NRXN3: variants seen among roughly 807,000 people sequenced by gnomAD.
The protein encoded by NRXN3 is neurexin 3.
NRXN3 carries 32 observed loss-of-function variants against 137.6 expected under a neutral mutation model. The observed-to-expected ratio is 0.23, with a 90% CI of 0.18 to 0.31. The LOEUF is 0.31. Among genes scored for constraint, NRXN3 ranks in the 10% least tolerant of loss-of-function variants. The probability of loss-of-function intolerance (pLI) is 1.00; values close to 1 mark genes in which losing one functional copy is unlikely to be tolerated. For synonymous variants in NRXN3, 798 were observed against 784.5 expected, an observed-to-expected ratio of 1.02 and a Z score of -0.29; for missense variants, 1,574 against 2,062.5, an observed-to-expected ratio of 0.76 and a Z score of 4.59.
intron 10 of NRXN3, among the ~76,000 whole-genome samples, chr14:78,815,267 A>C (rs566155481): frequency 1.3e-5 from 2 of 152,292 alleles, no homozygotes; most frequent in African/African-American, 4.8e-5. Flanking sequence ...TAAGTGCCAC[A>C]ATAGAGTTAT....
chr14:78,564,238 G>A (rs1467744454), intron 4 of NRXN3, among the ~76,000 whole-genome samples: 2 of 152,180 alleles, frequency 1.3e-5, no homozygotes, highest in Non-Finnish European at 2.9e-5. Context: ...CTGACTTAAA[G>A]TGAACATCTT....
chr14:78,314,479 C>A (rs1206317300), intron 4 of NRXN3, among the ~76,000 whole-genome samples: 2 of 152,122 alleles, frequency 1.3e-5, no homozygotes, highest in African/African-American at 2.4e-5. Flanking sequence ...TTTTCTGGAG[C>A]CTTGTCCTTC....
chr14:79,108,909 G>A (rs2052961154), intron 15 of NRXN3, among the ~76,000 whole-genome samples: 1 of 152,126 alleles, frequency 6.6e-6, no homozygotes, highest in South Asian at 2.1e-4. Context: ...GATATCATTA[G>A]AGAAAACAAA....
intron 15 of NRXN3, among the ~76,000 whole-genome samples, chr14:79,084,235 G>A (rs995211180): frequency 6.6e-6 from 1 of 152,034 alleles, no homozygotes; most frequent in African/African-American, 2.4e-5. Context: ...GTTTTGAGGA[G>A]TGATGGAAAT....
chr14:78,717,977 C>T (rs574936647), intron 8 of NRXN3, among the ~76,000 whole-genome samples: 4 of 152,100 alleles, frequency 2.6e-5, no homozygotes, highest in African/African-American at 9.7e-5. Flanking sequence ...TTTTAGATTT[C>T]CTATTTCTAA....
At chr14:79,219,161 C>T (rs997425187) in intron 15 of NRXN3, among the ~76,000 whole-genome samples, 1 of 152,090 alleles carries the variant, frequency 6.6e-6, no homozygotes, top group African/African-American at 2.4e-5. Flanking sequence ...TCACTCTGTG[C>T]CCCACGCTGG....
intron 10 of NRXN3, among the ~76,000 whole-genome samples, chr14:78,860,514 G>A (rs1293906219): frequency 1.3e-5 from 2 of 152,090 alleles, no homozygotes; most frequent in African/African-American, 4.8e-5. Flanking sequence ...AATTTCAGGG[G>A]TTGGAATTTC....
chr14:79,268,479 A>G (rs146276776), intron 15 of NRXN3, among the ~76,000 whole-genome samples: 346 of 152,326 alleles, frequency 2.3e-3, no homozygotes, highest in African/African-American at 7.5e-3. Flanking sequence ...GCCACAGCAC[A>G]TTGGGCAACC....
At chr14:78,399,284 TA>T (rs2091820545) in intron 4 of NRXN3, among the ~76,000 whole-genome samples, 1 of 152,152 alleles carries the variant, frequency 6.6e-6, no homozygotes, top group African/African-American at 2.4e-5. Context: ...ATAAAATATT[TA>T]AAAAATCTTA....
In NRXN3 at chr14:78,278,629, G is replaced by T; in HGVS notation, c.710-16G>T. 2.6e-6 allele frequency: 4 copies of T among 1,534,410 alleles called. No homozygotes were observed. Among genetic ancestry groups the T allele is most frequent in the Non-Finnish European group, 3.5e-6 (4 of 1,145,908 alleles). On this transcript the variant is annotated splice_polypyrimidine_tract_variant and intron_variant, in intron 2 of 20. Transcript: ENST00000335750. The stretch of plus-strand genomic sequence containing the variant: ...CTCCTCTCTCCCTTTCCCTCCCTTT[G>T]AAAATGCTGCCACAGATGTCAGTCA...
In NRXN3 at chr14:79,569,630, T is replaced by TGTGTGTGAGAGA. The variant is rs775452045; in HGVS notation, c.3445-94147_3445-94146insTGTGTGAGAGAG. ...GTGTGTGTGTGTGTGTGTGTGTGTG[T>TGTGTGTGAGAGA]GAGAGAGAGAGAGAGAGAGACAGAG... On this transcript the variant is annotated intron_variant, in intron 16 of 20. Transcript: ENST00000335750. Among the ~76,000 whole-genome samples the TGTGTGTGAGAGA allele has an allele frequency of 3.7e-5, 5 of 135,676 alleles. No individual in the cohort carries two copies. The South Asian group carries it at 6.6e-4, about 18-fold the overall frequency. The allele number at this position is 135,676 out of a possible 152,430, so 89.0% of individuals were successfully genotyped here.
At chr14:79,453,391 C>T (rs2096208384) in intron 15 of NRXN3, among the ~76,000 whole-genome samples, 1 of 152,108 alleles carries the variant, frequency 6.6e-6, no homozygotes, top group Non-Finnish European at 1.5e-5. Flanking sequence ...GAAAAAGAAG[C>T]CAAGATCATG....
intron 15 of NRXN3, among the ~76,000 whole-genome samples, chr14:79,034,494 G>A (rs938338690): frequency 4.6e-5 from 7 of 152,046 alleles, no homozygotes; most frequent in Non-Finnish European, 7.4e-5. Context: ...TCTGAGCCCC[G>A]TTGTACCATC....
At chr14:79,333,237 A>G (rs2091937433) in intron 15 of NRXN3, among the ~76,000 whole-genome samples, 1 of 151,980 alleles carries the variant, frequency 6.6e-6, no homozygotes, top group Admixed American at 6.5e-5. Flanking sequence ...AGAGACTCTA[A>G]TAAGAAAAGA....
At chr14:79,303,131 T>C (rs770289638) in intron 15 of NRXN3, among the ~76,000 whole-genome samples, 3 of 152,028 alleles carry the variant, frequency 2.0e-5, no homozygotes, top group Non-Finnish European at 4.4e-5. Flanking sequence ...TGTGCCCTCC[T>C]ACTGCGCTAC....
chr14:78,886,608 A>G (rs2099144519), intron 10 of NRXN3, among the ~76,000 whole-genome samples: 1 of 152,120 alleles, frequency 6.6e-6, no homozygotes. Context: ...GAAAGTCATA[A>G]TGGGAATAAA....
At chr14:78,425,928 A>G (rs1409869115) in intron 4 of NRXN3, among the ~76,000 whole-genome samples, 1 of 152,200 alleles carries the variant, frequency 6.6e-6, no homozygotes, top group Non-Finnish European at 1.5e-5. Context: ...ATAAATACGC[A>G]CCACGTGAGT....
At chr14:79,108,509 G>A (rs1434426802) in intron 15 of NRXN3, among the ~76,000 whole-genome samples, 2 of 152,086 alleles carry the variant, frequency 1.3e-5, no homozygotes, top group Non-Finnish European at 2.9e-5. Context: ...TAAATGTTAT[G>A]TAATAGCTAT....
intron 9 of NRXN3, among the ~76,000 whole-genome samples, chr14:78,805,245 T>G (rs1374423763): frequency 6.6e-6 from 1 of 152,224 alleles, no homozygotes; most frequent in African/African-American, 2.4e-5. Flanking sequence ...CTGTTGTCAG[T>G]GTGTCTCTTG....
Sources: gnomAD v4.1 joint callset for allele counts (sites outside exome capture counted in the v4.1 genomes callset) on GRCh38, gnomAD v4.1.1 for gene constraint, MANE v1.5 for transcripts, NCBI Gene and HGNC (gene_info 2026-07-23, HGNC 2026-07-21) for gene names.